Variants in TENM4 observed in about 807,000 individuals in gnomAD.
The protein encoded by TENM4 is teneurin-4.
In TENM4, 82 loss-of-function variants were observed where a neutral mutation model predicts 243.3. The observed-to-expected ratio is 0.34, with a 90% CI of 0.28 to 0.40. The LOEUF is 0.40. Ranked by LOEUF, TENM4 falls within the 10% of genes least tolerant of loss-of-function variation. The pLI is 1.00. For missense variants in TENM4, 3,138 were observed against 3,673.3 expected (o/e 0.85, Z 3.77); for synonymous variants, 1,412 against 1,456.3 (o/e 0.97, Z 0.69).
At chr11:79,291,595 C>T (rs1457754457) in intron 2 of TENM4, among the ~76,000 whole-genome samples, 1 of 152,144 alleles carries the variant, frequency 6.6e-6, no homozygotes, top group African/African-American at 2.4e-5. Context: ...TTTCATTAAC[C>T]TCTCAGGGCT....
rs376575803 is a variant in TENM4 at position 78,936,595 on chromosome 11, T to C, written c.494-33072A>G. The stretch of plus-strand genomic sequence containing the variant: ...AAATATACTATGTGCCTAGCACTTT[T>C]CTGCACTAGCTATGGGAAGTAGGAA... On this transcript the variant is annotated intron_variant, in intron 6 of 33. Transcript: ENST00000278550. 3.3e-5 allele frequency among the ~76,000 whole-genome samples: 5 copies of C among 152,350 alleles called. No individual in the cohort carries two copies. In the South Asian group the frequency reaches 6.2e-4, roughly 19 times the overall value.
At chr11:79,336,628 T>C (rs1054034178) in intron 1 of TENM4, among the ~76,000 whole-genome samples, 1 of 152,222 alleles carries the variant, frequency 6.6e-6, no homozygotes, top group Non-Finnish European at 1.5e-5. Context: ...CTAAGCCTCA[T>C]TACTTCTATC....
At chr11:78,737,102 T>A (rs1790553) in intron 20 of TENM4, among the ~76,000 whole-genome samples, 85,978 of 152,114 alleles carry the variant, frequency 0.57, 27,766 homozygotes, top group Non-Finnish European at 0.74. Context: ...GCAAGTTTCA[T>A]GGCAAAAGTC....
At chr11:78,856,381 C>T (rs1335102198) in intron 10 of TENM4, among the ~76,000 whole-genome samples, 1 of 152,040 alleles carries the variant, frequency 6.6e-6, no homozygotes, top group African/African-American at 2.4e-5. Context: ...CCCAGCGATG[C>T]TCAAATTATT....
intron 1 of TENM4, among the ~76,000 whole-genome samples, chr11:79,427,204 G>A (rs540985482): frequency 6.6e-6 from 1 of 152,222 alleles, no homozygotes; most frequent in East Asian, 1.9e-4. Context: ...TGCTTCCACA[G>A]GCCCATCACG....
chr11:78,962,457 G>A (rs1330112704), intron 6 of TENM4, among the ~76,000 whole-genome samples: 1 of 151,146 alleles, frequency 6.6e-6, no homozygotes, highest in Admixed American at 6.6e-5. Context: ...TCAACGGGAA[G>A]GGGGGGCTCC....
chr11:78,787,088 G>A lies in TENM4; in HGVS notation c.2180-5C>T, dbSNP rs781423215. 122 of 1,538,246 alleles carry A rather than the reference G, an allele frequency of 7.9e-5. No homozygotes were observed. The highest frequency in any genetic ancestry group is 5.2e-4 in the Admixed American group (26 of 50,392). ...CACAGTCGGCAGCACAGATCTCTGTGGGGAGGAGCAGAAGAAGGGAGGACA... is the reference window on the plus strand; with the variant it reads ...CACAGTCGGCAGCACAGATCTCTGTAGGGAGGAGCAGAAGAAGGGAGGACA... On this transcript the variant is annotated splice_polypyrimidine_tract_variant and splice_region_variant and intron_variant, in intron 15 of 33. Coordinates refer to ENST00000278550, the MANE Select transcript of TENM4 (RefSeq NM_001098816.3).
Position 78,722,787 on chromosome 11 carries a change from G to T in TENM4, c.3681C>A (p.Asn1227Lys). ...TGAGGGCCACTGGGGCCAGGAGCTT[G>T]TTGCCGTCAGCAAGGCCGTTGCAGC... is the stretch of plus-strand genomic sequence containing the variant. The part of the protein sequence containing the change: ...CPSCNGLADG[N>K]KLLAPVALTC... The change falls in exon 24 of 34, where the codon AAC becomes AAA. Residue 1227 changes from asparagine to lysine, a missense_variant. By Grantham distance (94) the Asn-to-Lys change is moderately conservative. This residue lies in a region of TENM4 where 2,467 missense variants were observed against 3,059.1 expected (regional missense o/e 0.81). Transcript: ENST00000278550. The T allele has an allele frequency of 6.2e-7, 1 of 1,614,074 alleles. No homozygotes were observed. The highest frequency in any genetic ancestry group is 8.5e-7 in the Non-Finnish European group (1 of 1,179,892).
intron 6 of TENM4, among the ~76,000 whole-genome samples, chr11:79,018,681 G>C (rs1325897945): frequency 6.6e-6 from 1 of 152,120 alleles, no homozygotes; most frequent in African/African-American, 2.4e-5. Context: ...TCTCCCCCAC[G>C]CTTATTTTCA....
chr11:79,130,348 T>A (rs576370058), intron 4 of TENM4, among the ~76,000 whole-genome samples: 88 of 151,790 alleles, frequency 5.8e-4, no homozygotes, highest in Non-Finnish European at 9.7e-4. Context: ...CCCCCAAAAA[T>A]CACACGAGTT....
At chr11:78,978,645 A>G (rs2136613734) in intron 6 of TENM4, among the ~76,000 whole-genome samples, 1 of 152,338 alleles carries the variant, frequency 6.6e-6, no homozygotes, top group Admixed American at 6.5e-5. Context: ...CGAGAAATCA[A>G]CTAATAAGAA....
At chr11:79,293,830 A>G (rs1856398267) in intron 2 of TENM4, among the ~76,000 whole-genome samples, 1 of 152,190 alleles carries the variant, frequency 6.6e-6, no homozygotes, top group Non-Finnish European at 1.5e-5. Context: ...AGAGGCTAGC[A>G]CACCAATGGG....
intron 2 of TENM4, among the ~76,000 whole-genome samples, chr11:79,223,196 T>G (rs1204791335): frequency 6.6e-6 from 1 of 151,864 alleles, no homozygotes; most frequent in Non-Finnish European, 1.5e-5. Context: ...GATCGTGTGT[T>G]TAGAGGATAT....
intron 9 of TENM4, among the ~76,000 whole-genome samples, chr11:78,865,177 C>T (rs1361157038): frequency 6.6e-6 from 1 of 152,196 alleles, no homozygotes; most frequent in Non-Finnish European, 1.5e-5. Context: ...AGGCATTAGG[C>T]TGAGAGCATT....
Position 78,657,729 on chromosome 11 carries a change from A to T in TENM4, c.*329T>A, listed in dbSNP as rs1033473002. 2.7e-5 allele frequency: 12 copies of T among 444,462 alleles called. No homozygotes were observed. The East Asian group carries it at 5.9e-4, about 22-fold the overall frequency. The allele number at this position is 444,462 out of a possible 1,614,324, so 27.5% of individuals were successfully genotyped here. Reference sequence around the variant, plus strand: ...TGGGTACCTAGGGACAGACGAGGACACACCCCAGGAGATGCATCTCAGAGA... The same window carrying T: ...TGGGTACCTAGGGACAGACGAGGACTCACCCCAGGAGATGCATCTCAGAGA... On this transcript the variant is annotated 3_prime_UTR_variant, in exon 34 of 34. Coordinates refer to ENST00000278550, the MANE Select transcript of TENM4 (RefSeq NM_001098816.3).
intron 6 of TENM4, among the ~76,000 whole-genome samples, chr11:79,008,099 G>A (rs920977164): frequency 3.9e-5 from 6 of 152,210 alleles, no homozygotes; most frequent in East Asian, 1.9e-4. Context: ...CGTTGGAAGC[G>A]CCAAGCTGGA....
Position 78,657,331 on chromosome 11 carries a change from T to G in TENM4, c.*727A>C, listed in dbSNP as rs1039746368. 25 of 397,780 alleles carry G rather than the reference T, an allele frequency of 6.3e-5. No homozygotes were observed. Among genetic ancestry groups the G allele is most frequent in the African/African-American group, 4.3e-4 (21 of 48,564 alleles). 24.6% of individuals were successfully genotyped at this position (397,780 alleles called of 1,614,324 possible). A position where few individuals can be genotyped will look rare whatever the true frequency, so the allele number is the denominator to read the frequency against. On this transcript the variant is annotated 3_prime_UTR_variant, in exon 34 of 34. Coordinates refer to ENST00000278550, the MANE Select transcript of TENM4 (RefSeq NM_001098816.3). ...GGGAGACACTTTCTCTATCCCAGCATGGGGGTGGCACCGACAACTACACAG... is the reference window on the plus strand; with the variant it reads ...GGGAGACACTTTCTCTATCCCAGCAGGGGGGTGGCACCGACAACTACACAG...
At chr11:78,736,379 T>G (rs779044042) in intron 20 of TENM4, among the ~76,000 whole-genome samples, 2 of 152,154 alleles carry the variant, frequency 1.3e-5, no homozygotes, top group Non-Finnish European at 2.9e-5. Context: ...TCTCTTTGGC[T>G]AACTTCTCTG....
In TENM4 at chr11:78,662,773, AGAGAT is replaced by A. The variant is rs760526758; in HGVS notation, c.7409-1187_7409-1183del. On this transcript the variant is annotated intron_variant, in intron 32 of 33. Transcript: ENST00000278550. ...TCTCACATACTCACAACTCTGAAGG[AGAGAT>A]GAGACATGGGCATGAATAACATTGA... Among the ~76,000 whole-genome samples the A allele has an allele frequency of 1.3e-4, 20 of 152,194 alleles. 1 individual carries two copies. Among genetic ancestry groups the A allele is most frequent in the Admixed American group, 3.3e-4 (5 of 15,286 alleles).
Sources: allele counts gnomAD v4.1 joint callset (sites outside exome capture counted in the v4.1 genomes callset), GRCh38; gene constraint gnomAD v4.1.1; regional missense constraint gnomAD v4.1.1; transcripts MANE v1.5; gene names NCBI Gene and HGNC (gene_info 2026-07-23, HGNC 2026-07-21).